PDE4D: variants seen among roughly 807,000 people sequenced by gnomAD.
PDE4D encodes 3',5'-cyclic-AMP phosphodiesterase 4D.
PDE4D carries 24 observed loss-of-function variants against 87.4 expected under a neutral mutation model. That is an observed-to-expected ratio of 0.27 (90% CI 0.20 to 0.39). PDE4D has a LOEUF of 0.39. PDE4D is among the 10% of genes least tolerant of loss of function. The pLI is 1.00. For missense variants in PDE4D, 714 were observed against 1,041.0 expected, an observed-to-expected ratio of 0.69 and a Z score of 4.32; for synonymous variants, 384 against 383.2, an observed-to-expected ratio of 1.00 and a Z score of -0.02.
intron 2 of PDE4D, among the ~76,000 whole-genome samples, chr5:60,099,449 C>T (rs1375448811): frequency 6.6e-6 from 1 of 151,330 alleles, no homozygotes; most frequent in Non-Finnish European, 1.5e-5. Flanking sequence ...TAAAAATTCA[C>T]CATAAGTTAA....
intron 1 of PDE4D, among the ~76,000 whole-genome samples, chr5:59,545,927 T>A (rs2153685759): frequency 6.6e-6 from 1 of 152,216 alleles, no homozygotes; most frequent in East Asian, 1.9e-4. Context: ...GTTGATGGAG[T>A]CAAATACTCA....
chr5:59,240,512 G>A (rs939227749), intron 1 of PDE4D, among the ~76,000 whole-genome samples: 1 of 152,012 alleles, frequency 6.6e-6, no homozygotes, highest in Admixed American at 6.6e-5. Flanking sequence ...TGAATGAATG[G>A]CACATGTCTG....
chr5:59,067,086 A>T (rs1764067263), intron 5 of PDE4D, among the ~76,000 whole-genome samples: 3 of 151,802 alleles, frequency 2.0e-5, no homozygotes, highest in Non-Finnish European at 4.4e-5. Flanking sequence ...ATGATCTCAG[A>T]TCACTGCACC....
intron 2 of PDE4D, among the ~76,000 whole-genome samples, chr5:60,170,574 A>C (rs961971785): frequency 6.6e-6 from 1 of 151,998 alleles, no homozygotes; most frequent in Non-Finnish European, 1.5e-5. Flanking sequence ...AGGACTTTGT[A>C]AACTGAAAAG....
At chr5:60,520,435 C>A (rs567502057) in intron 1 of PDE4D, among the ~76,000 whole-genome samples, 1 of 152,340 alleles carries the variant, frequency 6.6e-6, no homozygotes, top group Admixed American at 6.5e-5. Context: ...AAATCCTTCT[C>A]TCAGCTCCTC....
chr5:59,352,060 G>T, intron 1 of PDE4D, among the ~76,000 whole-genome samples: 1 of 152,134 alleles, frequency 6.6e-6, no homozygotes, highest in African/African-American at 2.4e-5. Flanking sequence ...TTCCTCATTT[G>T]TAAGATAAAG....
chr5:60,155,467 T>A (rs1257940108), intron 2 of PDE4D, among the ~76,000 whole-genome samples: 1 of 152,236 alleles, frequency 6.6e-6, no homozygotes, highest in African/African-American at 2.4e-5. Context: ...TTGTACTAGT[T>A]CTTTATATAT....
chr5:60,175,995 C>T (rs1488529884), intron 2 of PDE4D, among the ~76,000 whole-genome samples: 3 of 152,144 alleles, frequency 2.0e-5, no homozygotes, highest in Admixed American at 2.0e-4. Context: ...TTGCTATTCT[C>T]TTTGCCAATT....
intron 1 of PDE4D, among the ~76,000 whole-genome samples, chr5:59,491,941 C>G (rs1340814624): frequency 6.6e-6 from 1 of 152,114 alleles, no homozygotes; most frequent in African/African-American, 2.4e-5. Context: ...AACCCAGATA[C>G]CCATTCAGGA....
chr5:59,062,903 C>T (rs749808210), intron 5 of PDE4D, among the ~76,000 whole-genome samples: 11 of 151,504 alleles, frequency 7.3e-5, no homozygotes, highest in African/African-American at 2.4e-4. Context: ...ACTTACTATA[C>T]TTTTTTGCCT....
intron 2 of PDE4D, among the ~76,000 whole-genome samples, chr5:60,161,268 C>T (rs1582916564): frequency 6.6e-6 from 1 of 152,188 alleles, no homozygotes; most frequent in East Asian, 1.9e-4. Flanking sequence ...ACTTCAGATC[C>T]ATTTTGGCTT....
At chr5:59,566,533 CATGTGTGTGTGTGTGTGTGTGT>C (rs1258688033) in intron 1 of PDE4D, among the ~76,000 whole-genome samples, 8 of 102,638 alleles carry the variant, frequency 7.8e-5, no homozygotes, top group Non-Finnish European at 1.6e-4. Context: ...GTCACAGTTT[CATGTGTGTGTGTGTGTGTGTGT>C]GTGTGTGTGT....
At chr5:59,780,545 G>C (rs970232890) in intron 1 of PDE4D, among the ~76,000 whole-genome samples, 1 of 152,112 alleles carries the variant, frequency 6.6e-6, no homozygotes, top group Non-Finnish European at 1.5e-5. Context: ...GTTTTAAATT[G>C]CTTTTCCTAT....
chr5:59,230,066 C>G (rs536269070), intron 1 of PDE4D, among the ~76,000 whole-genome samples: 4 of 152,284 alleles, frequency 2.6e-5, no homozygotes, highest in African/African-American at 9.6e-5. Flanking sequence ...GGATTATAGG[C>G]GTGAGCCACC....
chr5:59,640,978 A>G lies in PDE4D; in HGVS notation c.455+252190T>C, dbSNP rs566124461. ...AACTTCATTCTCAGAGATTTATAGA[A>G]AATTTTTCCCATATACTGCTACTCA... is the stretch of plus-strand genomic sequence containing the variant. On this transcript the variant is annotated intron_variant, in intron 1 of 14. Transcript: ENST00000340635. 2.0e-5 allele frequency among the ~76,000 whole-genome samples: 3 copies of G among 152,280 alleles called. No individual in the cohort carries two copies. In the South Asian group the frequency reaches 6.2e-4, roughly 32 times the overall value.
chr5:59,533,167 G>A (rs1814534675), intron 1 of PDE4D, among the ~76,000 whole-genome samples: 2 of 152,166 alleles, frequency 1.3e-5, no homozygotes, highest in African/African-American at 4.8e-5. Flanking sequence ...ACAAATACTT[G>A]TAGAATTATT....
At chr5:59,888,947 G>T (rs369774247) in intron 1 of PDE4D, among the ~76,000 whole-genome samples, 10 of 151,882 alleles carry the variant, frequency 6.6e-5, no homozygotes, top group African/African-American at 1.2e-4. Flanking sequence ...AACTAATGTT[G>T]CCAGGCACGG....
At chr5:59,676,888 T>C (rs1748182818) in intron 1 of PDE4D, among the ~76,000 whole-genome samples, 1 of 152,074 alleles carries the variant, frequency 6.6e-6, no homozygotes, top group Non-Finnish European at 1.5e-5. Context: ...TATCTAGCTG[T>C]CATTTCGTAT....
intron 2 of PDE4D, among the ~76,000 whole-genome samples, chr5:60,036,092 A>C (rs1767768008): frequency 6.6e-6 from 1 of 152,224 alleles, no homozygotes; most frequent in Admixed American, 6.5e-5. Context: ...CTTCATCATT[A>C]CCTGGAAGAT....
Sources: allele counts gnomAD v4.1 joint callset (sites outside exome capture counted in the v4.1 genomes callset), GRCh38; gene constraint gnomAD v4.1.1; transcripts MANE v1.5; gene names NCBI Gene and HGNC (gene_info 2026-07-23, HGNC 2026-07-21).